CHMP7: variants seen among roughly 807,000 people sequenced by gnomAD.
CHMP7 encodes charged multivesicular body protein 7.
Under a neutral mutation model 53.7 loss-of-function variants are expected in CHMP7, and 15 were observed. The ratio of observed to expected loss-of-function variants is 0.28; its 90% CI spans 0.19 to 0.43. The LOEUF (loss-of-function observed/expected upper bound fraction) is 0.43. CHMP7 is among the 20% of genes least tolerant of loss of function. CHMP7 has a pLI of 1.00. For synonymous variants in CHMP7, 261 were observed against 228.0 expected (o/e 1.14, Z -1.30); for missense variants, 527 against 569.4 (o/e 0.93, Z 0.76).
intron 4 of CHMP7, 120 bp downstream of exon 4, chr8:23,255,552 T>G (rs1802091577): frequency 1.2e-6 from 1 of 811,172 alleles, no homozygotes. Context: ...TCAACCACGG[T>G]CCAAAAATAA....
At chr8:23,255,554 CA>C in intron 4 of CHMP7, 122 bp downstream of exon 4, 1 of 792,670 alleles carries the variant, frequency 1.3e-6, no homozygotes, top group Non-Finnish European at 2.1e-6. Flanking sequence ...AACCACGGTC[CA>C]AAAATAATAA....
intron 3 of CHMP7, among the ~76,000 whole-genome samples, chr8:23,250,557 C>G (rs187386294): frequency 6.6e-6 from 1 of 151,410 alleles, no homozygotes; most frequent in Non-Finnish European, 1.5e-5. Flanking sequence ...ACTCTGTCAT[C>G]TGGTGCAGAC....
intron 3 of CHMP7, among the ~76,000 whole-genome samples, chr8:23,253,636 T>C (rs1049773290): frequency 6.6e-6 from 1 of 152,240 alleles, no homozygotes; most frequent in African/African-American, 2.4e-5. Context: ...ATATTTTGTC[T>C]TTACTTTAAA....
Position 23,260,301 on chromosome 8 carries a change from G to A in CHMP7, c.1278G>A (p.Glu426=), listed in dbSNP as rs968417693. 6.2e-7 allele frequency: 1 copy of A among 1,614,186 alleles called. No individual in the cohort carries two copies. The highest frequency in any genetic ancestry group is 8.5e-7 in the Non-Finnish European group (1 of 1,180,018). Residue 426 remains glutamate (E), a synonymous_variant, in exon 10 of 11, where the codon GAG becomes GAA. Coordinates refer to ENST00000397677, the MANE Select transcript of CHMP7 (RefSeq NM_152272.5). ...ISDAELEAEL[E]KLSLSEGGLV... ...ATGCTGAACTTGAAGCTGAACTTGA[G>A]AAACTGTCCTTATCAGAGGGAGGTA...
intron 3 of CHMP7, among the ~76,000 whole-genome samples, chr8:23,252,928 A>C (rs1801987909): frequency 1.3e-5 from 2 of 152,212 alleles, no homozygotes; most frequent in South Asian, 4.1e-4. Flanking sequence ...AGGGCAGTCA[A>C]ATCAATGAAA....
At chr8:23,253,119 TC>T (rs141894967) in intron 3 of CHMP7, among the ~76,000 whole-genome samples, 1,959 of 152,324 alleles carry the variant, frequency 0.013, 41 homozygotes, top group African/African-American at 0.045. Flanking sequence ...ACAGTGGTCT[TC>T]CTTCAGCTTA....
intron 5 of CHMP7, 98 bp downstream of exon 5, chr8:23,256,691 T>G (rs1243080476): frequency 1.2e-5 from 5 of 432,274 alleles, no homozygotes; most frequent in Admixed American, 6.8e-5. Flanking sequence ...AATAGGTGGG[T>G]TTTTTTTTTT....
rs373288680 is a variant in CHMP7 at position 23,252,195 on chromosome 8, C to CTTTTTTTTTTTT, written c.471+2817_471+2828dup. Among the ~76,000 whole-genome samples, 7 of 105,296 alleles carry CTTTTTTTTTTTT rather than the reference C, an allele frequency of 6.6e-5. 1 individual carries two copies. Among genetic ancestry groups the CTTTTTTTTTTTT allele is most frequent in the South Asian group, 3.6e-4 (1 of 2,812 alleles). The allele number at this position is 105,296 out of a possible 152,430, so 69.1% of individuals were successfully genotyped here. A position where few individuals can be genotyped will look rare whatever the true frequency, so the allele number is the denominator to read the frequency against. On this transcript the variant is annotated intron_variant, in intron 3 of 10. Transcript: ENST00000397677. ...CCTTTCCTGTTTTGTATTGTGTTAT[C>CTTTTTTTTTTTT]TTTTTTTTTTTTTTGAGATGGAGTT...
rs548874978 is a variant in CHMP7 at position 23,250,799 on chromosome 8, G to A, written c.471+1418G>A. 2.7e-3 allele frequency among the ~76,000 whole-genome samples: 416 copies of A among 152,174 alleles called. 1 individual carries two copies. Among genetic ancestry groups the A allele is most frequent in the Non-Finnish European group, 4.3e-3 (293 of 68,016 alleles). On this transcript the variant is annotated intron_variant, in intron 3 of 10. Transcript: ENST00000397677. ...GCTGGAGCCAGCCCAGAATCCCCAC[G>A]CCTCACCCCGGGAGAAGCACCCATT...
At chr8:23,250,238 C>T (rs565105699) in intron 3 of CHMP7, among the ~76,000 whole-genome samples, 3 of 152,252 alleles carry the variant, frequency 2.0e-5, no homozygotes, top group South Asian at 2.1e-4. Context: ...ATTCCTGAGT[C>T]GGTCTACAGT....
chr8:23,252,789 T>C (rs865956655), intron 3 of CHMP7, among the ~76,000 whole-genome samples: 11 of 152,354 alleles, frequency 7.2e-5, no homozygotes, highest in South Asian at 2.1e-4. Context: ...TTTGTGTATG[T>C]GGTGGGGAAA....
chr8:23,247,119 T>G, intron 2 of CHMP7, 125 bp downstream of exon 2: 1 of 936,284 alleles, frequency 1.1e-6, no homozygotes, highest in Admixed American at 3.3e-5. Flanking sequence ...AGAGAAGGCA[T>G]CCAGTGTGTG....
intron 7 of CHMP7, 87 bp from the exon 8 acceptor site, chr8:23,258,645 C>CT (rs1802236138): frequency 8.1e-7 from 1 of 1,238,314 alleles, no homozygotes; most frequent in Admixed American, 1.9e-5. Flanking sequence ...AAAAACACCC[C>CT]AAAGCTGCCT....
At chr8:23,258,676 G>A (rs1421993855) in intron 7 of CHMP7, 56 bp from the exon 8 acceptor site, 1 of 1,337,526 alleles carries the variant, frequency 7.5e-7, no homozygotes, top group East Asian at 2.3e-5. Context: ...AAACAATATT[G>A]TATGTATTTT....
chr8:23,259,365 A>ATTTTTTT (rs371807011), intron 9 of CHMP7, among the ~76,000 whole-genome samples: 2 of 89,442 alleles, frequency 2.2e-5, no homozygotes, highest in Admixed American at 2.3e-4. Context: ...AGACGGGGTC[A>ATTTTTTT]TTTTTTTTTT....
intron 10 of CHMP7, 32 bp downstream of exon 10, chr8:23,260,355 G>A: frequency 6.2e-7 from 1 of 1,606,940 alleles, no homozygotes; most frequent in Non-Finnish European, 8.5e-7. Context: ...CCTTTGGAGG[G>A]CATATGGCCT....
chr8:23,256,370 C>G (rs1802124284), intron 4 of CHMP7, 90 bp from the exon 5 acceptor site: 2 of 828,932 alleles, frequency 2.4e-6, no homozygotes, highest in Admixed American at 1.8e-5. Context: ...GGGGGGCCTG[C>G]TGTTCTCACA....
rs1801685157 is a variant in CHMP7 at position 23,246,462 on chromosome 8, G to A, written c.-234G>A. ...CACAAAGACCGTGGGAGGAGGGGTC[G>A]GCGCAAGCGCTCGGTGTCTCTCTGA... On this transcript the variant is annotated 5_prime_UTR_variant, in exon 2 of 11. Transcript: ENST00000397677. 1 of 554,224 alleles carries A rather than the reference G, an allele frequency of 1.8e-6. No homozygotes were observed. The highest frequency in any genetic ancestry group is 3.1e-5 in the East Asian group (1 of 32,464). 34.3% of individuals were successfully genotyped at this position (554,224 alleles called of 1,614,324 possible).
At chr8:23,253,895 G>A (rs6557644) in intron 3 of CHMP7, among the ~76,000 whole-genome samples, 1 of 151,882 alleles carries the variant, frequency 6.6e-6, no homozygotes, top group Non-Finnish European at 1.5e-5. Context: ...ACAATCCATC[G>A]TCTCCCAATT....
Sources: gnomAD v4.1 joint callset for allele counts (sites outside exome capture counted in the v4.1 genomes callset) on GRCh38, gnomAD v4.1.1 for gene constraint, MANE v1.5 for transcripts, NCBI Gene and HGNC (gene_info 2026-07-23, HGNC 2026-07-21) for gene names.